NOS2: variants seen among roughly 807,000 people sequenced by gnomAD.
The protein encoded by NOS2 is nitric oxide synthase, inducible.
A neutral mutation model predicts 136.0 loss-of-function variants in NOS2; 96 were observed. That is an observed-to-expected ratio of 0.71 (90% confidence interval 0.60 to 0.84). NOS2 has a LOEUF of 0.84. Among genes scored for constraint, NOS2 ranks in the 40% least tolerant of loss-of-function variants. NOS2 has a pLI of 0.00. For synonymous variants in NOS2, 539 were observed against 587.5 expected (o/e 0.92, Z 1.20); for missense variants, 1,237 against 1,496.9 (o/e 0.83, Z 2.87).
intron 5 of NOS2, among the ~76,000 whole-genome samples, chr17:27,784,253 C>T (rs1403534229): frequency 6.6e-6 from 1 of 152,104 alleles, no homozygotes; most frequent in Non-Finnish European, 1.5e-5. Flanking sequence ...GAATGAACTC[C>T]TGATTAAGGA....
chr17:27,768,866 A>T, intron 17 of NOS2, 111 bp downstream of exon 17: 2 of 1,209,358 alleles, frequency 1.7e-6, no homozygotes, highest in Non-Finnish European at 2.2e-6. Context: ...GACCACATCT[A>T]CAGGACCACA....
In NOS2 at chr17:27,767,912, T is replaced by C. The variant is rs1908360649; in HGVS notation, c.2035-75A>G. On this transcript the variant is annotated intron_variant, in intron 17 of 26. Transcript: ENST00000313735. ...CCCCACCACTGGGGCTACCACTTTT[T>C]AGGCCCTTACCATGGGCCAAACACT... 3 of 1,588,146 alleles carry C rather than the reference T, an allele frequency of 1.9e-6. No homozygotes were observed. In the East Asian group the frequency reaches 6.7e-5, roughly 36 times the overall value.
intron 2 of NOS2, among the ~76,000 whole-genome samples, chr17:27,790,643 A>C (rs912191415): frequency 3.9e-5 from 6 of 152,242 alleles, no homozygotes; most frequent in African/African-American, 1.4e-4. Context: ...TAAGATGTCA[A>C]CTTACCTTCA....
chr17:27,794,792 C>A (rs1037502618), intron 2 of NOS2, among the ~76,000 whole-genome samples: 1 of 152,064 alleles, frequency 6.6e-6, no homozygotes, highest in Non-Finnish European at 1.5e-5. Flanking sequence ...AATCACCAGT[C>A]ACTTAGAATA....
chr17:27,789,027 C>G, intron 3 of NOS2, 96 bp from the exon 4 acceptor site: 1 of 1,488,976 alleles, frequency 6.7e-7, no homozygotes, highest in Non-Finnish European at 9.1e-7. Context: ...GGTGGCCACA[C>G]AGGGCAGGGT....
chr17:27,760,795 C>T (rs1043219199), intron 23 of NOS2, 51 bp from the exon 24 acceptor site: 5 of 1,524,062 alleles, frequency 3.3e-6, no homozygotes, highest in Admixed American at 4.1e-5. Context: ...CCCAGGCCCA[C>T]GCACACACAG....
At chr17:27,774,915 G>C (rs1176415367) in intron 11 of NOS2, among the ~76,000 whole-genome samples, 1 of 152,224 alleles carries the variant, frequency 6.6e-6, no homozygotes, top group African/African-American at 2.4e-5. Context: ...CCTCCGTGGG[G>C]AGGTCTGAAG....
chr17:27,769,071 TG>T lies in NOS2; in HGVS notation c.1939del (p.His647ThrfsTer56). 4.1e-5 allele frequency: 66 copies of T among 1,612,716 alleles called. No individual in the cohort carries two copies. The highest frequency in any genetic ancestry group is 1.7e-4 in the Middle Eastern group (1 of 6,060). On this transcript the variant is annotated frameshift_variant, in exon 17 of 27. Transcript: ENST00000313735. LOFTEE classifies it high-confidence loss of function. ...CGGGGTGAGCTGAGAGGCCCCCAGG[TG>T]GGACAGCTTCTGATCAATGTCATGA... ...FAHDIDQKLS[H>X]LGASQLTPMG...
chr17:27,790,589 T>C (rs1909157386), intron 2 of NOS2, among the ~76,000 whole-genome samples: 1 of 152,236 alleles, frequency 6.6e-6, no homozygotes, highest in Non-Finnish European at 1.5e-5. Context: ...CGATCTTGTT[T>C]CACCTATACC....
At chr17:27,792,747 G>A (rs1909231106) in intron 2 of NOS2, among the ~76,000 whole-genome samples, 2 of 150,830 alleles carry the variant, frequency 1.3e-5, no homozygotes, top group South Asian at 4.2e-4. Context: ...GGAAGGCCGA[G>A]GTGGGCGGAT....
In NOS2 at chr17:27,757,240, A is replaced by G. The variant is rs780014565; in HGVS notation, c.*6T>C. On this transcript the variant is annotated 3_prime_UTR_variant, in exon 27 of 27. Coordinates refer to ENST00000313735, the MANE Select transcript of NOS2 (RefSeq NM_000625.4). ...TGCCGGCAGCTTTAACCCCTCCTGT[A>G]GGCCCTCAGAGCGCTGACATCTCCA... 6.2e-7 allele frequency: 1 copy of G among 1,612,202 alleles called. No individual in the cohort carries two copies.
At chr17:27,758,405 G>C (rs1363030372) in intron 26 of NOS2, among the ~76,000 whole-genome samples, 2 of 152,168 alleles carry the variant, frequency 1.3e-5, no homozygotes, top group Non-Finnish European at 2.9e-5. Context: ...TATGCCCAGT[G>C]TAAGCCCTTG....
In NOS2 at chr17:27,764,061, G is replaced by C. The variant is rs1908219520; in HGVS notation, c.2512C>G (p.Pro838Ala). 6.2e-7 allele frequency: 1 copy of C among 1,613,184 alleles called. No homozygotes were observed. The highest frequency in any genetic ancestry group is 8.5e-7 in the Non-Finnish European group (1 of 1,179,612). The change falls in exon 21 of 27, where the codon CCA (proline) becomes GCA (alanine). Residue 838 changes from proline to alanine, a missense_variant. Pro to Ala is a conservative substitution (Grantham distance 27). Around this residue, in one of 3 missense-constraint regions of NOS2, gnomAD observed 782 missense variants for 909.9 expected, o/e 0.86. Transcript: ENST00000313735. Reference sequence around the variant, plus strand: ...AGCTTTTGGAGCAGCAGCTGGGTTGGGGGTGTGGTGATGTCCAGGAAGTAG... The same window carrying C: ...AGCTTTTGGAGCAGCAGCTGGGTTGCGGGTGTGGTGATGTCCAGGAAGTAG... The part of the protein sequence containing the change: ...LTYFLDITTP[P>A]TQLLLQKLAQ...
chr17:27,797,967 G>A (rs1216751116), intron 2 of NOS2, among the ~76,000 whole-genome samples: 2 of 152,126 alleles, frequency 1.3e-5, no homozygotes, highest in Non-Finnish European at 2.9e-5. Flanking sequence ...GAACTTCAAA[G>A]AGCCGCCACA....
At chr17:27,757,887 G>A (rs28944211) in intron 26 of NOS2, among the ~76,000 whole-genome samples, 16,310 of 152,104 alleles carry the variant, frequency 0.11, 1,150 homozygotes, top group Middle Eastern at 0.23. Flanking sequence ...TCCCACCCCC[G>A]GGGCCTTTGT....
At chr17:27,761,316 C>T in intron 22 of NOS2, 85 bp from the exon 23 acceptor site, 1 of 975,324 alleles carries the variant, frequency 1.0e-6, no homozygotes, top group East Asian at 2.7e-5. Flanking sequence ...CCACGGCCCT[C>T]CTTGGACGCC....
intron 5 of NOS2, among the ~76,000 whole-genome samples, chr17:27,786,683 C>T (rs1382149059): frequency 6.6e-6 from 1 of 152,104 alleles, no homozygotes; most frequent in Non-Finnish European, 1.5e-5. Flanking sequence ...TTATAAACTC[C>T]CGCCAACTAC....
intron 4 of NOS2, 117 bp downstream of exon 4, chr17:27,788,692 T>C (rs1260638763): frequency 1.5e-6 from 2 of 1,327,380 alleles, no homozygotes; most frequent in East Asian, 4.8e-5. Context: ...CCTAGACCCC[T>C]TTGCCCAAGC....
chr17:27,789,773 G>C lies in NOS2; in HGVS notation c.111-85C>G. The C allele has an allele frequency of 3.3e-6, 3 of 910,012 alleles. No homozygotes were observed. In the Middle Eastern group the frequency reaches 6.4e-4, roughly 195 times the overall value. The allele number at this position is 910,012 out of a possible 1,614,324, so 56.4% of individuals were successfully genotyped here. A position where few individuals can be genotyped will look rare whatever the true frequency, so the allele number is the denominator to read the frequency against. On this transcript the variant is annotated intron_variant, in intron 2 of 26. Transcript: ENST00000313735. ...GTTCCCTCTGCCAGTAACCTCATTT[G>C]ACAAATAGGGAAACTGAGTCCAGAG...
Sources: gnomAD v4.1 joint callset for allele counts (sites outside exome capture counted in the v4.1 genomes callset) on GRCh38, gnomAD v4.1.1 for gene constraint, gnomAD v4.1.1 regional missense constraint, MANE v1.5 for transcripts, NCBI Gene and HGNC (gene_info 2026-07-23, HGNC 2026-07-21) for gene names.